AGK: variants seen among roughly 807,000 people sequenced by gnomAD.
The protein encoded by AGK is acylglycerol kinase.
In AGK, 52 loss-of-function variants were observed where a neutral mutation model predicts 66.4. The ratio of observed to expected loss-of-function variants is 0.78; its 90% CI spans 0.63 to 0.99. The LOEUF (loss-of-function observed/expected upper bound fraction) is 0.99, where lower values mean the gene tolerates loss of function less well. Among genes scored for constraint, AGK ranks in the 50% least tolerant of loss-of-function variants. AGK has a pLI of 0.00. For missense variants in AGK, 451 were observed against 506.6 expected (o/e 0.89, Z 1.05); for synonymous variants, 182 against 181.1 (o/e 1.00, Z -0.04).
chr7:141,590,578 AT>A (rs1449465200), intron 2 of AGK, among the ~76,000 whole-genome samples: 5 of 152,130 alleles, frequency 3.3e-5, no homozygotes, highest in African/African-American at 4.8e-5. Context: ...GGAACCTCAT[AT>A]TATTTTGTTA....
At chr7:141,602,950 G>A (rs1333226585) in intron 5 of AGK, among the ~76,000 whole-genome samples, 2 of 151,894 alleles carry the variant, frequency 1.3e-5, no homozygotes, top group Non-Finnish European at 2.9e-5. Context: ...TTTTCTGATT[G>A]TCTTTGTTAA....
intron 2 of AGK, among the ~76,000 whole-genome samples, chr7:141,589,889 T>A (rs1796073580): frequency 6.6e-6 from 1 of 152,198 alleles, no homozygotes; most frequent in African/African-American, 2.4e-5. Flanking sequence ...AATGAGATCT[T>A]CTTTTGTAAT....
chr7:141,651,379 A>G (rs1797553055), intron 14 of AGK, 146 bp from the exon 15 acceptor site: 1 of 680,646 alleles, frequency 1.5e-6, no homozygotes, highest in Admixed American at 2.3e-5. Flanking sequence ...CACTGTTGGA[A>G]AAATTATTTA....
chr7:141,652,087 G>C (rs559502332), intron 15 of AGK, among the ~76,000 whole-genome samples: 6 of 152,304 alleles, frequency 3.9e-5, no homozygotes, highest in African/African-American at 1.4e-4. Flanking sequence ...ATTGGAAATA[G>C]AATCTGGAAT....
intron 13 of AGK, among the ~76,000 whole-genome samples, chr7:141,646,810 G>T (rs1797422443): frequency 1.3e-5 from 2 of 152,176 alleles, no homozygotes; most frequent in African/African-American, 4.8e-5. Context: ...CAGCTACTAT[G>T]GCTGAGTTGA....
intron 5 of AGK, among the ~76,000 whole-genome samples, chr7:141,601,758 G>T (rs751054236): frequency 6.6e-6 from 1 of 152,160 alleles, no homozygotes; most frequent in African/African-American, 2.4e-5. Context: ...ACAAGGAATT[G>T]TACTATTTCG....
At chr7:141,591,586 G>A (rs1796121128) in intron 2 of AGK, among the ~76,000 whole-genome samples, 1 of 152,154 alleles carries the variant, frequency 6.6e-6, no homozygotes, top group South Asian at 2.1e-4. Context: ...CACTGTAAAT[G>A]TCAAATCACC....
chr7:141,576,723 T>C (rs1370654178), intron 2 of AGK, among the ~76,000 whole-genome samples: 2 of 151,588 alleles, frequency 1.3e-5, no homozygotes, highest in African/African-American at 4.9e-5. Flanking sequence ...AAGACAAACT[T>C]GGAGTTCACT....
Position 141,653,099 on chromosome 7 carries a change from C to A in AGK, c.*175C>A. 1 of 670,280 alleles carries A rather than the reference C, an allele frequency of 1.5e-6. No individual in the cohort carries two copies. The highest frequency in any genetic ancestry group is 2.5e-6 in the Non-Finnish European group (1 of 407,938). The allele number at this position is 670,280 out of a possible 1,614,324, so 41.5% of individuals were successfully genotyped here. On this transcript the variant is annotated 3_prime_UTR_variant, in exon 16 of 16. Transcript: ENST00000649286. Reference sequence around the variant, plus strand: ...TTCCCAAAGTGTGCTCTGTCACCTGCTTTGCAATCGGCTTCCATTAGCGCA... The same window carrying A: ...TTCCCAAAGTGTGCTCTGTCACCTGATTTGCAATCGGCTTCCATTAGCGCA...
At chr7:141,594,645 ATTTCTTTC>A (rs535767750) in intron 3 of AGK, among the ~76,000 whole-genome samples, 24 of 150,490 alleles carry the variant, frequency 1.6e-4, no homozygotes, top group Admixed American at 1.4e-3. Context: ...CTTCTCATGT[ATTTCTTTC>A]TTTCTTTCTT....
At chr7:141,633,829 C>A in intron 9 of AGK, 72 bp from the exon 10 acceptor site, 1 of 1,332,450 alleles carries the variant, frequency 7.5e-7, no homozygotes, top group Non-Finnish European at 1.1e-6. Context: ...TGAACATTTG[C>A]TGAGTACTTA....
chr7:141,577,255 A>C (rs1795763909), intron 2 of AGK, among the ~76,000 whole-genome samples: 1 of 152,104 alleles, frequency 6.6e-6, no homozygotes, highest in Non-Finnish European at 1.5e-5. Context: ...AACATTTACA[A>C]TCCATTTTCT....
chr7:141,555,378 A>T lies in AGK; in HGVS notation c.-14-75A>T. On this transcript the variant is annotated intron_variant, in intron 1 of 15. Coordinates refer to ENST00000649286, the MANE Select transcript of AGK (RefSeq NM_018238.4). The surrounding 1 kb of genome is among the most constrained non-coding windows in gnomAD (Gnocchi z 4.2). ...GTGAGAGAGGATAAAAGAATGGAAG[A>T]CAGAGTAATAGGGACATTACATGAA... 1.0e-6 allele frequency: 1 copy of T among 962,540 alleles called. No homozygotes were observed. The allele number at this position is 962,540 out of a possible 1,614,324, so 59.6% of individuals were successfully genotyped here. A position where few individuals can be genotyped will look rare whatever the true frequency, so the allele number is the denominator to read the frequency against.
chr7:141,635,659 T>C (rs1421216399), intron 10 of AGK, among the ~76,000 whole-genome samples: 1 of 152,152 alleles, frequency 6.6e-6, no homozygotes, highest in Non-Finnish European at 1.5e-5. Context: ...TCTAAGCTTT[T>C]CTCTCTTTCT....
At chr7:141,592,246 G>A (rs765086128) in intron 2 of AGK, among the ~76,000 whole-genome samples, 3 of 152,208 alleles carry the variant, frequency 2.0e-5, no homozygotes, top group Non-Finnish European at 4.4e-5. Context: ...AAGACAAAGT[G>A]TGGCAAGGGC....
Position 141,583,860 on chromosome 7 carries a change from G to A in AGK, c.102-9286G>A, listed in dbSNP as rs1453186066. On this transcript the variant is annotated intron_variant, in intron 2 of 15. Coordinates refer to ENST00000649286, the MANE Select transcript of AGK (RefSeq NM_018238.4). ...GGAGAAAGAGGTTGAGGGATAGTGA[G>A]AGAGGTTGGAGAAGAGAGTAAAAAG... Among the ~76,000 whole-genome samples, 3 of 151,956 alleles carry A rather than the reference G, an allele frequency of 2.0e-5. No homozygotes were observed. The South Asian group carries it at 6.2e-4, about 32-fold the overall frequency.
chr7:141,645,085 C>T (rs1482428104), intron 13 of AGK, among the ~76,000 whole-genome samples: 1 of 151,828 alleles, frequency 6.6e-6, no homozygotes, highest in African/African-American at 2.4e-5. Flanking sequence ...TATTAAATTC[C>T]ACATAAAAAT....
At chr7:141,610,970 T>C (rs1796572876) in intron 5 of AGK, among the ~76,000 whole-genome samples, 1 of 152,274 alleles carries the variant, frequency 6.6e-6, no homozygotes, top group African/African-American at 2.4e-5. Context: ...TTTCAAAGTA[T>C]GGAGCTGACT....
chr7:141,590,508 T>C (rs1272788004), intron 2 of AGK, among the ~76,000 whole-genome samples: 4 of 152,132 alleles, frequency 2.6e-5, no homozygotes, highest in Non-Finnish European at 4.4e-5. Context: ...CTGTGCAAGT[T>C]GGACTAGGGG....
Sources: gnomAD v4.1 joint callset for allele counts (sites outside exome capture counted in the v4.1 genomes callset) on GRCh38, gnomAD v4.1.1 for gene constraint, Gnocchi (gnomAD v3.1) non-coding constraint, MANE v1.5 for transcripts, NCBI Gene and HGNC (gene_info 2026-07-23, HGNC 2026-07-21) for gene names.